The following DAB1 variants were observed in gnomAD, a reference collection of about 807,000 sequenced individuals.
DAB1 encodes the protein DAB adaptor protein 1, also known as disabled homolog 1.
In DAB1, 15 loss-of-function variants were observed where a neutral mutation model predicts 64.6. The ratio of observed to expected loss-of-function variants is 0.23; its 90% CI spans 0.16 to 0.36. The LOEUF is 0.36. Among genes scored for constraint, DAB1 ranks in the 10% least tolerant of loss-of-function variants. The probability of loss-of-function intolerance (pLI) is 1.00; values close to 1 mark genes in which losing one functional copy is unlikely to be tolerated. For missense variants in DAB1, 596 were observed against 706.7 expected (o/e 0.84, Z 1.78); for synonymous variants, 235 against 251.9 (o/e 0.93, Z 0.64).
At chr1:57,999,157 T>G (rs1021925118) in intron 5 of DAB1, among the ~76,000 whole-genome samples, 1 of 152,236 alleles carries the variant, frequency 6.6e-6, no homozygotes, top group Non-Finnish European at 1.5e-5. Context: ...CTTATTAATC[T>G]GCTATCATGG....
intron 2 of DAB1, among the ~76,000 whole-genome samples, chr1:57,243,767 A>T (rs1391570100): frequency 6.6e-6 from 1 of 152,212 alleles, no homozygotes; most frequent in Non-Finnish European, 1.5e-5. Flanking sequence ...AGACATAAGC[A>T]GCGCTGGTGG....
At chr1:57,235,359 G>A (rs1291834014) in intron 2 of DAB1, among the ~76,000 whole-genome samples, 2 of 152,200 alleles carry the variant, frequency 1.3e-5, no homozygotes, top group Admixed American at 1.3e-4. Flanking sequence ...CACAAGAGAT[G>A]TTATTTGTAG....
chr1:58,504,888 G>A (rs1645962265), intron 3 of DAB1, among the ~76,000 whole-genome samples: 1 of 151,796 alleles, frequency 6.6e-6, no homozygotes. Flanking sequence ...CCCACATCTA[G>A]CATCATTTCT....
In DAB1 at chr1:57,638,148, G is replaced by GT. The variant is rs1170624835; in HGVS notation, n.625+11443dup. 4.0e-5 allele frequency among the ~76,000 whole-genome samples: 6 copies of GT among 151,610 alleles called. No individual in the cohort carries two copies. The South Asian group carries it at 6.3e-4, about 16-fold the overall frequency. On this transcript the variant is annotated intron_variant and non_coding_transcript_variant, in intron 7 of 20. Coordinates refer to the DAB1 transcript ENST00000485760. The stretch of plus-strand genomic sequence containing the variant: ...GGATGATGGTTATTTTTTGTTTTTT[G>GT]TTTTTTTGCTAATTTCTAAACTCCA...
Position 57,832,232 on chromosome 1 carries a change from A to G in DAB1, n.88-5777T>C, listed in dbSNP as rs531637070. ...TGTCTGAAGGACAAGTCACAAGAGT[A>G]ACTAGATGAAGAGAGGGTGGGAAAC... On this transcript the variant is annotated intron_variant and non_coding_transcript_variant, in intron 1 of 1. Coordinates refer to the DAB1 transcript ENST00000477280. Among the ~76,000 whole-genome samples, 4 of 152,346 alleles carry G rather than the reference A, an allele frequency of 2.6e-5. No individual in the cohort carries two copies. The South Asian group carries it at 8.3e-4, about 32-fold the overall frequency.
intron 3 of DAB1, among the ~76,000 whole-genome samples, chr1:58,452,758 G>A (rs1405647979): frequency 1.3e-5 from 2 of 151,780 alleles, no homozygotes; most frequent in African/African-American, 4.8e-5. Flanking sequence ...AACCCGGGAG[G>A]TGGAGGTTGC....
chr1:58,508,548 T>C (rs556149137), intron 2 of DAB1, among the ~76,000 whole-genome samples: 1 of 152,206 alleles, frequency 6.6e-6, no homozygotes, highest in African/African-American at 2.4e-5. Flanking sequence ...GTACCCCCAA[T>C]ACAGCACCAT....
At chr1:57,183,786 T>C (rs772672871) in intron 2 of DAB1, among the ~76,000 whole-genome samples, 1 of 152,272 alleles carries the variant, frequency 6.6e-6, no homozygotes, top group South Asian at 2.1e-4. Flanking sequence ...CCAGGAGAGA[T>C]AGGCAGTACT....
At chr1:57,690,478 A>G (rs1646751302) in intron 6 of DAB1, among the ~76,000 whole-genome samples, 1 of 152,094 alleles carries the variant, frequency 6.6e-6, no homozygotes, top group African/African-American at 2.4e-5. Context: ...CCAGCCATCT[A>G]AGACATGCCT....
At chr1:58,017,921 G>A (rs774527016) in intron 5 of DAB1, among the ~76,000 whole-genome samples, 1 of 152,172 alleles carries the variant, frequency 6.6e-6, no homozygotes, top group Non-Finnish European at 1.5e-5. Flanking sequence ...CCAGCACTGT[G>A]CTTGGCACTT....
At chr1:58,087,938 C>A (rs552949728) in intron 5 of DAB1, among the ~76,000 whole-genome samples, 10 of 152,318 alleles carry the variant, frequency 6.6e-5, no homozygotes, top group Non-Finnish European at 1.2e-4. Flanking sequence ...AAGTATAGTT[C>A]CTGACTTCCT....
At chr1:57,170,341 A>C (rs751849025) in intron 2 of DAB1, among the ~76,000 whole-genome samples, 4 of 152,048 alleles carry the variant, frequency 2.6e-5, no homozygotes, top group Admixed American at 1.3e-4. Context: ...TTTTTCCTTT[A>C]ACACTGCCTG....
intron 3 of DAB1, among the ~76,000 whole-genome samples, chr1:58,482,064 A>C (rs1645495944): frequency 6.6e-6 from 1 of 152,238 alleles, no homozygotes; most frequent in African/African-American, 2.4e-5. Context: ...AGGAAAAGTA[A>C]TCACAGTGTA....
At chr1:57,745,128 A>G (rs563551132) in intron 6 of DAB1, among the ~76,000 whole-genome samples, 1 of 152,314 alleles carries the variant, frequency 6.6e-6, no homozygotes, top group Non-Finnish European at 1.5e-5. Flanking sequence ...GATTAGGGAT[A>G]GTAATATCTG....
intron 5 of DAB1, among the ~76,000 whole-genome samples, chr1:57,999,749 C>T (rs999097836): frequency 6.6e-6 from 1 of 151,850 alleles, no homozygotes; most frequent in African/African-American, 2.4e-5. Flanking sequence ...GTTTAAGAAA[C>T]CCTGGTCTAC....
At chr1:57,687,607 A>C (rs961961293) in intron 6 of DAB1, among the ~76,000 whole-genome samples, 1 of 147,988 alleles carries the variant, frequency 6.8e-6, no homozygotes, top group African/African-American at 2.5e-5. Flanking sequence ...AACAAAAAAA[A>C]AAAAAAAAAA....
At chr1:58,193,230 T>C (rs2100236909) in intron 4 of DAB1, among the ~76,000 whole-genome samples, 1 of 152,226 alleles carries the variant, frequency 6.6e-6, no homozygotes, top group South Asian at 2.1e-4. Flanking sequence ...TAAAAGAACC[T>C]GGTCCTTTCT....
At chr1:57,575,287 G>A (rs1174683031) in intron 7 of DAB1, among the ~76,000 whole-genome samples, 1 of 152,230 alleles carries the variant, frequency 6.6e-6, no homozygotes, top group East Asian at 1.9e-4. Flanking sequence ...ATGTTGAATA[G>A]TGTTAATAGT....
Position 58,267,403 on chromosome 1 carries a change from C to T in DAB1, n.309+75949G>A, listed in dbSNP as rs766128639. Among the ~76,000 whole-genome samples, 111 of 152,228 alleles carry T rather than the reference C, an allele frequency of 7.3e-4. 2 individuals are homozygous for T. The highest frequency in any genetic ancestry group is 3.4e-3 in the Middle Eastern group (1 of 294). ...TTCTTTGCAGGTTCATCACATTCTC[C>T]CCTACTTCCATTGGGTCAGCACAAA... On this transcript the variant is annotated intron_variant and non_coding_transcript_variant, in intron 4 of 20. Transcript: ENST00000485760.
Sources: allele counts gnomAD v4.1 joint callset (sites outside exome capture counted in the v4.1 genomes callset), GRCh38; gene constraint gnomAD v4.1.1; transcripts MANE v1.5; gene names NCBI Gene and HGNC (gene_info 2026-07-23, HGNC 2026-07-21).